MDGA2: variants seen among roughly 807,000 people sequenced by gnomAD.
The protein encoded by MDGA2 is MAM domain containing glycosylphosphatidylinositol anchor 2.
A neutral mutation model predicts 117.8 loss-of-function variants in MDGA2; 40 were observed. The observed-to-expected ratio is 0.34, with a 90% CI of 0.26 to 0.44. The LOEUF is 0.44. Ranked by LOEUF, MDGA2 falls within the 20% of genes least tolerant of loss-of-function variation. MDGA2 has a pLI of 1.00. For synonymous variants in MDGA2, 452 were observed against 439.0 expected (o/e 1.03, Z -0.37); for missense variants, 1,123 against 1,250.6 (o/e 0.90, Z 1.54).
intron 10 of MDGA2, among the ~76,000 whole-genome samples, chr14:46,906,972 CTTTTTTTT>C (rs372756942): frequency 1.0e-4 from 10 of 99,540 alleles, no homozygotes; most frequent in African/African-American, 2.6e-4. Context: ...TTACCTTTTT[CTTTTTTTT>C]TTTTTTTTTT....
At chr14:46,977,347 AT>A (rs371532125) in intron 8 of MDGA2, among the ~76,000 whole-genome samples, 122 of 151,934 alleles carry the variant, frequency 8.0e-4, no homozygotes, top group Middle Eastern at 6.8e-3. Flanking sequence ...AATTTCTAAT[AT>A]TTTTTTCCTG....
At chr14:46,889,116 T>G (rs1274078512) in intron 10 of MDGA2, among the ~76,000 whole-genome samples, 2 of 152,022 alleles carry the variant, frequency 1.3e-5, no homozygotes, top group Non-Finnish European at 2.9e-5. Context: ...TAATAACCCC[T>G]TTTAGGGAAA....
intron 8 of MDGA2, among the ~76,000 whole-genome samples, chr14:46,981,857 T>C (rs1361774144): frequency 1.3e-5 from 2 of 152,188 alleles, no homozygotes; most frequent in Non-Finnish European, 2.9e-5. Context: ...ACATGGGTCT[T>C]GGTTAACTAA....
At chr14:47,530,810 T>A (rs1447394416) in intron 1 of MDGA2, among the ~76,000 whole-genome samples, 2 of 152,146 alleles carry the variant, frequency 1.3e-5, no homozygotes, top group Admixed American at 6.5e-5. Flanking sequence ...TTTTTGCTAC[T>A]TAGAAACATG....
intron 14 of MDGA2, among the ~76,000 whole-genome samples, chr14:46,861,731 C>A (rs1304666455): frequency 2.0e-5 from 3 of 151,880 alleles, no homozygotes; most frequent in Non-Finnish European, 4.4e-5. Flanking sequence ...TCAGTGAATG[C>A]AAACTACTTA....
rs113198228 is a variant in MDGA2 at position 47,483,596 on chromosome 14, A to G, written c.281-182046T>C. The stretch of plus-strand genomic sequence containing the variant: ...GTCTCACACAGCATCAAGGTCCACC[A>G]TGTATGTAAAGAGAAGTACAGATGG... On this transcript the variant is annotated intron_variant, in intron 1 of 16. Transcript: ENST00000399232. 5.8e-3 allele frequency among the ~76,000 whole-genome samples: 887 copies of G among 152,298 alleles called. 6 individuals carry two copies. Among genetic ancestry groups the G allele is most frequent in the Non-Finnish European group, 0.01 (684 of 68,002 alleles).
chr14:47,403,576 T>A (rs1293088805), intron 1 of MDGA2, among the ~76,000 whole-genome samples: 1 of 152,144 alleles, frequency 6.6e-6, no homozygotes, highest in East Asian at 1.9e-4. Context: ...TTGTCTCAAC[T>A]CATATCCTCA....
intron 5 of MDGA2, among the ~76,000 whole-genome samples, chr14:47,102,676 G>C (rs908384148): frequency 1.3e-5 from 2 of 152,118 alleles, no homozygotes; most frequent in African/African-American, 4.8e-5. Context: ...CAAGGGCACC[G>C]CAAAGCTCTC....
intron 1 of MDGA2, among the ~76,000 whole-genome samples, chr14:47,651,577 G>GC (rs967836452): frequency 1.3e-5 from 2 of 150,864 alleles, no homozygotes; most frequent in Non-Finnish European, 3.0e-5. Context: ...GTAATCTGCT[G>GC]TTTTTTTTTA....
At chr14:47,143,034 T>A (rs1040500119) in intron 4 of MDGA2, among the ~76,000 whole-genome samples, 1 of 152,196 alleles carries the variant, frequency 6.6e-6, no homozygotes, top group Admixed American at 6.5e-5. Context: ...TATTGGCAAT[T>A]ATACTAATCT....
At chr14:47,541,682 C>T (rs1478996841) in intron 1 of MDGA2, among the ~76,000 whole-genome samples, 2 of 152,162 alleles carry the variant, frequency 1.3e-5, no homozygotes, top group Non-Finnish European at 1.5e-5. Flanking sequence ...ATAGTTTTAC[C>T]TCTTAATCGC....
intron 2 of MDGA2, among the ~76,000 whole-genome samples, chr14:47,283,607 T>C (rs1888573601): frequency 6.6e-6 from 1 of 152,228 alleles, no homozygotes; most frequent in Non-Finnish European, 1.5e-5. Flanking sequence ...GAAACAATTA[T>C]GCATTCTGCC....
Position 46,916,913 on chromosome 14 carries a change from T to TTTAA in MDGA2, c.2238+3098_2238+3099insTTAA, listed in dbSNP as rs1883922400. ...ACAAAGGAGTACAGAAAAGAATGTA[T>TTTAA]ACAGTGGCAGGTAAAGAGTTAGCTT... On this transcript the variant is annotated intron_variant, in intron 10 of 16. Transcript: ENST00000399232. Among the ~76,000 whole-genome samples, 4 of 152,134 alleles carry TTTAA rather than the reference T, an allele frequency of 2.6e-5. No individual in the cohort carries two copies. In the South Asian group the frequency reaches 6.2e-4, roughly 24 times the overall value.
chr14:46,898,519 G>T, intron 10 of MDGA2, among the ~76,000 whole-genome samples: 1 of 152,152 alleles, frequency 6.6e-6, no homozygotes, highest in South Asian at 2.1e-4. Context: ...CATTAAGTTT[G>T]GGAGGCCACT....
chr14:47,613,768 T>C (rs775635799), intron 1 of MDGA2, among the ~76,000 whole-genome samples: 3 of 152,210 alleles, frequency 2.0e-5, no homozygotes, highest in Non-Finnish European at 4.4e-5. Context: ...AAAGATTTCA[T>C]GTGGTTAACT....
At chr14:47,468,644 A>C (rs190727899) in intron 1 of MDGA2, among the ~76,000 whole-genome samples, 96 of 131,494 alleles carry the variant, frequency 7.3e-4, no homozygotes, top group African/African-American at 2.6e-3. Context: ...AGACCTCATA[A>C]ATTGAATTTC....
chr14:47,126,445 G>A (rs567383090), intron 5 of MDGA2, among the ~76,000 whole-genome samples: 1 of 152,190 alleles, frequency 6.6e-6, no homozygotes, highest in Non-Finnish European at 1.5e-5. Flanking sequence ...TCTGTGGCAG[G>A]AGACATTTTC....
intron 14 of MDGA2, among the ~76,000 whole-genome samples, chr14:46,863,343 A>C (rs1419738774): frequency 1.3e-5 from 2 of 152,146 alleles, no homozygotes; most frequent in African/African-American, 4.8e-5. Flanking sequence ...TTATTACCTC[A>C]AAAAGATGAT....
chr14:47,543,357 T>C (rs1895391397), intron 1 of MDGA2, among the ~76,000 whole-genome samples: 1 of 152,186 alleles, frequency 6.6e-6, no homozygotes, highest in Non-Finnish European at 1.5e-5. Context: ...TATGAAAGTG[T>C]GACAAACAAC....
Sources: gnomAD v4.1 joint callset for allele counts (sites outside exome capture counted in the v4.1 genomes callset) on GRCh38, gnomAD v4.1.1 for gene constraint, MANE v1.5 for transcripts, NCBI Gene and HGNC (gene_info 2026-07-23, HGNC 2026-07-21) for gene names.